The following SYNJ2 variants were observed in gnomAD, a reference collection of about 807,000 sequenced individuals.
SYNJ2 encodes polyphosphatidylinositol phosphatase SYNJ2.
A neutral mutation model predicts 141.3 loss-of-function variants in SYNJ2; 116 were observed. The observed-to-expected ratio is 0.82, with a 90% CI of 0.71 to 0.96. The LOEUF (loss-of-function observed/expected upper bound fraction) is 0.96. Among genes scored for constraint, SYNJ2 ranks in the 40% least tolerant of loss-of-function variants. The pLI is 0.00. For missense variants in SYNJ2, 1,873 were observed against 1,934.8 expected, an observed-to-expected ratio of 0.97 and a Z score of 0.60; for synonymous variants, 745 against 777.7, an observed-to-expected ratio of 0.96 and a Z score of 0.70.
intron 3 of SYNJ2, 67 bp from the exon 4 acceptor site, chr6:158,033,388 G>A (rs368448996): frequency 7.7e-6 from 12 of 1,551,522 alleles, no homozygotes; most frequent in East Asian, 2.3e-5. Flanking sequence ...AGCCACACTC[G>A]CTGTCCAGGC....
rs1264283824 is a variant in SYNJ2, at chr6:158,063,808, T to G, written c.1145T>G (p.Leu382Trp). The change falls in exon 9 of 27, where the codon TTG becomes TGG. Residue 382 changes from leucine to tryptophan, a missense_variant. Coordinates refer to ENST00000355585, the MANE Select transcript of SYNJ2 (RefSeq NM_003898.4). Reference protein sequence around the residue: ...NVSPRFQKGTLRMNCLDCLDR... With the variant: ...NVSPRFQKGTWRMNCLDCLDR... Reference sequence around the variant, plus strand: ...GTCCTAAGTTTTCAGAAAGGCACTTTGCGGATGAACTGTCTTGACTGCCTG... The same window carrying G: ...GTCCTAAGTTTTCAGAAAGGCACTTGGCGGATGAACTGTCTTGACTGCCTG... 6.2e-7 allele frequency: 1 copy of G among 1,613,664 alleles called. No individual in the cohort carries two copies. The highest frequency in any genetic ancestry group is 8.5e-7 in the Non-Finnish European group (1 of 1,179,758).
At chr6:157,995,181 C>T (rs1246348670) in intron 1 of SYNJ2, among the ~76,000 whole-genome samples, 3 of 152,194 alleles carry the variant, frequency 2.0e-5, no homozygotes, top group Non-Finnish European at 4.4e-5. Flanking sequence ...AATATGACTG[C>T]GTATGAATAG....
intron 11 of SYNJ2, among the ~76,000 whole-genome samples, chr6:158,065,896 G>A (rs1781532514): frequency 6.6e-6 from 1 of 152,102 alleles, no homozygotes; most frequent in African/African-American, 2.4e-5. Context: ...TGGCTATCTA[G>A]AGGATGGAGA....
chr6:158,004,902 C>CGTCAT (rs1777995078), intron 1 of SYNJ2, among the ~76,000 whole-genome samples: 1 of 151,950 alleles, frequency 6.6e-6, no homozygotes, highest in Non-Finnish European at 1.5e-5. Context: ...TCAGTGGCCA[C>CGTCAT]GTCGTTGATC....
chr6:157,992,478 C>T (rs150704410), intron 1 of SYNJ2, among the ~76,000 whole-genome samples: 3,293 of 143,188 alleles, frequency 0.023, 39 homozygotes, highest in Middle Eastern at 0.076. Flanking sequence ...TGCAGTGGTG[C>T]GATCTCGGCT....
intron 25 of SYNJ2, among the ~76,000 whole-genome samples, chr6:158,090,199 G>A (rs1379575621): frequency 1.3e-5 from 2 of 152,016 alleles, no homozygotes; most frequent in Non-Finnish European, 2.9e-5. Context: ...AGGAGAGACC[G>A]AAAAAAACCA....
chr6:157,997,414 C>T (rs540133353), intron 1 of SYNJ2, among the ~76,000 whole-genome samples: 5 of 152,206 alleles, frequency 3.3e-5, no homozygotes, highest in South Asian at 2.1e-4. Context: ...GGCAGACGCA[C>T]GCAGAGGGGA....
At position 158,047,714 on chromosome 6, in the gene SYNJ2, T is replaced by G. The variant is rs7743648; in HGVS notation, c.795+4315T>G. Among the ~76,000 whole-genome samples, 1,079 of 132,662 alleles carry G rather than the reference T, an allele frequency of 8.1e-3. 3 individuals are homozygous for G. Among genetic ancestry groups the G allele is most frequent in the Non-Finnish European group, 0.01 (659 of 65,810 alleles). The allele number at this position is 132,662 out of a possible 152,430, so 87.0% of individuals were successfully genotyped here. ...ATCACTTGAACCTGGGAGGCGGAGT[T>G]TGCAGTGAGCCAAGATTGTGCCACC... On this transcript the variant is annotated intron_variant, in intron 5 of 26. Transcript: ENST00000355585.
At position 158,027,701 on chromosome 6, in the gene SYNJ2, G is replaced by C. The variant is rs898502307; in HGVS notation, c.215-1055G>C. On this transcript the variant is annotated intron_variant, in intron 2 of 26. Coordinates refer to ENST00000355585, the MANE Select transcript of SYNJ2 (RefSeq NM_003898.4). The surrounding 1 kb of genome is among the most constrained non-coding windows in gnomAD (Gnocchi z 4.6). The stretch of plus-strand genomic sequence containing the variant: ...TCCCCTGGGGGCACAGGTGGGGAGG[G>C]AGGTCATGAGCTTTGTGTGTGTGAC... 1 of 152,364 alleles carries C rather than the reference G, an allele frequency of 6.6e-6. No individual in the cohort carries two copies. The highest frequency in any genetic ancestry group is 2.4e-5 in the African/African-American group (1 of 41,446). The allele number at this position is 152,364 out of a possible 1,614,324, so 9.4% of individuals were successfully genotyped here.
intron 4 of SYNJ2, among the ~76,000 whole-genome samples, chr6:158,034,439 C>T (rs532724552): frequency 8.5e-5 from 13 of 152,308 alleles, no homozygotes; most frequent in East Asian, 5.8e-4. Context: ...CCCTCGCTGC[C>T]GCTGCTGGGA....
chr6:158,071,431 G>T lies in SYNJ2; in HGVS notation c.1941-171G>T, dbSNP rs1228244169. On this transcript the variant is annotated intron_variant, in intron 14 of 26. Transcript: ENST00000355585. This position sits in a 1 kb window ranked among gnomAD's most constrained non-coding sequence, Gnocchi z 4.3. ...AGCGGTGGGCAGCAGGAGGGAGGCG[G>T]CCTCCTGACCAGGAGTCGATGACGG... 6.6e-6 allele frequency among the ~76,000 whole-genome samples: 1 copy of T among 152,026 alleles called. No individual in the cohort carries two copies. Among genetic ancestry groups the T allele is most frequent in the African/African-American group, 2.4e-5 (1 of 41,374 alleles).
intron 1 of SYNJ2, among the ~76,000 whole-genome samples, chr6:157,990,458 G>T (rs926592423): frequency 6.6e-6 from 1 of 152,082 alleles, no homozygotes; most frequent in African/African-American, 2.4e-5. Context: ...CTTCATCACA[G>T]CTGCTAGGAA....
chr6:158,065,471 C>T (rs1327605657), intron 11 of SYNJ2, among the ~76,000 whole-genome samples: 1 of 152,148 alleles, frequency 6.6e-6, no homozygotes, highest in African/African-American at 2.4e-5. Context: ...CTTCTGGTCT[C>T]AGCGGCAAGA....
chr6:158,064,662 T>C lies in SYNJ2; in HGVS notation c.1271T>C (p.Val424Ala), dbSNP rs1344098186. The change falls in exon 10 of 27, where the codon GTG becomes GCG. Residue 424 changes from valine (V) to alanine (A), a missense_variant. Transcript: ENST00000355585. ...TCAAAACCCATCGTTGACCGCTTTG[T>C]GGAGTCCTTCAAAGCCATGTGGTCT... ...LSSKPIVDRF[V>A]ESFKAMWSLN... The C allele has an allele frequency of 1.9e-6, 3 of 1,614,126 alleles. No individual in the cohort carries two copies. The South Asian group carries it at 3.3e-5, about 18-fold the overall frequency.
intron 2 of SYNJ2, among the ~76,000 whole-genome samples, chr6:158,026,457 C>T (rs946669774): frequency 6.6e-6 from 1 of 152,140 alleles, no homozygotes. Context: ...TACAGCTCCC[C>T]TGCCTCCACT....
Position 157,984,011 on chromosome 6 carries a change from T to C in SYNJ2, c.127+1923T>C, listed in dbSNP as rs369330222. Among the ~76,000 whole-genome samples the C allele has an allele frequency of 2.6e-5, 4 of 151,596 alleles. No individual in the cohort carries two copies. In the South Asian group the frequency reaches 6.3e-4, roughly 24 times the overall value. On this transcript the variant is annotated intron_variant, in intron 1 of 26. Transcript: ENST00000355585. ...CCTGGCTAATTTTTTCTCTTTCTTT[T>C]CTTTTCTTTAAATGGGGTCTTACTA...
intron 15 of SYNJ2, among the ~76,000 whole-genome samples, chr6:158,073,068 T>TA (rs59003520): frequency 0.011 from 1,453 of 134,342 alleles, 27 homozygotes; most frequent in African/African-American, 0.034. Flanking sequence ...AGACTCTGTC[T>TA]AAAAAAAAAA....
intron 1 of SYNJ2, among the ~76,000 whole-genome samples, chr6:157,994,247 G>A (rs551321287): frequency 5.9e-5 from 9 of 152,310 alleles, no homozygotes; most frequent in Admixed American, 5.2e-4. Context: ...TTTAAGAGGA[G>A]GTGACCGTTC....
chr6:158,028,883 G>A lies in SYNJ2; in HGVS notation c.342G>A (p.Glu114=), dbSNP rs373649943. Residue 114 remains glutamate, a synonymous_variant, in exon 3 of 27, where the codon GAG becomes GAA. Transcript: ENST00000355585. ...CTCTTCAGGAAGAGGCCAAGGAGGA[G>A]GAACGCCTCATAGCTTTGAAGAAAA... ...FYPLQEEAKE[E]ERLIALKKIL... The A allele has an allele frequency of 1.9e-5, 30 of 1,614,098 alleles. No homozygotes were observed. Among genetic ancestry groups the A allele is most frequent in the African/African-American group, 8.0e-5 (6 of 74,936 alleles).
Sources: allele counts gnomAD v4.1 joint callset (sites outside exome capture counted in the v4.1 genomes callset), GRCh38; gene constraint gnomAD v4.1.1; non-coding constraint Gnocchi (gnomAD v3.1); transcripts MANE v1.5; gene names NCBI Gene and HGNC (gene_info 2026-07-23, HGNC 2026-07-21).